The following CHCHD6 variants were observed in gnomAD, a reference collection of about 807,000 sequenced individuals.
CHCHD6 encodes the protein coiled-coil-helix-coiled-coil-helix domain containing 6.
A neutral mutation model predicts 32.3 loss-of-function variants in CHCHD6; 28 were observed. That is an observed-to-expected ratio of 0.87 (90% CI 0.64 to 1.19). The LOEUF (loss-of-function observed/expected upper bound fraction) is 1.19, where lower values mean the gene tolerates loss of function less well. Ranked by LOEUF, CHCHD6 falls within the 50% of genes most tolerant of loss-of-function variation. The pLI, the probability that CHCHD6 is intolerant of heterozygous loss-of-function variation, is 0.00. For missense variants in CHCHD6, 333 were observed against 307.0 expected, an observed-to-expected ratio of 1.08 and a Z score of -0.63; for synonymous variants, 122 against 117.5, an observed-to-expected ratio of 1.04 and a Z score of -0.25.
At chr3:126,752,731 C>G (rs1341784768) in intron 4 of CHCHD6, among the ~76,000 whole-genome samples, 1 of 152,236 alleles carries the variant, frequency 6.6e-6, no homozygotes, top group Non-Finnish European at 1.5e-5. Flanking sequence ...CTCCCTGCCC[C>G]TTTAGCGCGG....
chr3:126,830,073 G>A (rs1019173456), intron 4 of CHCHD6, among the ~76,000 whole-genome samples: 5 of 152,106 alleles, frequency 3.3e-5, no homozygotes, highest in African/African-American at 1.2e-4. Flanking sequence ...ACTCCAGCTT[G>A]GGCCACAGAG....
At chr3:126,873,863 A>G (rs976621633) in intron 5 of CHCHD6, among the ~76,000 whole-genome samples, 1 of 152,226 alleles carries the variant, frequency 6.6e-6, no homozygotes, top group African/African-American at 2.4e-5. Context: ...CTCAGAGAGT[A>G]TGTAGCTTGC....
intron 4 of CHCHD6, among the ~76,000 whole-genome samples, chr3:126,837,383 G>T (rs1940903012): frequency 6.6e-6 from 1 of 152,080 alleles, no homozygotes; most frequent in Non-Finnish European, 1.5e-5. Flanking sequence ...AGGCAACATA[G>T]TGAGACCCCA....
At chr3:126,708,915 G>A (rs1395708013) in intron 1 of CHCHD6, among the ~76,000 whole-genome samples, 1 of 152,030 alleles carries the variant, frequency 6.6e-6, no homozygotes, top group African/African-American at 2.4e-5. Context: ...TCCCCTCTTG[G>A]TCTTTCAATG....
At chr3:126,916,140 C>T (rs2078166630) in intron 6 of CHCHD6, among the ~76,000 whole-genome samples, 1 of 152,090 alleles carries the variant, frequency 6.6e-6, no homozygotes, top group African/African-American at 2.4e-5. Context: ...GTGGCTCACA[C>T]CTGTAATCCC....
At chr3:126,801,758 C>T (rs1464256201) in intron 4 of CHCHD6, among the ~76,000 whole-genome samples, 1 of 152,212 alleles carries the variant, frequency 6.6e-6, no homozygotes, top group East Asian at 1.9e-4. Flanking sequence ...CAGACTGCCT[C>T]CTCAAGTGGG....
intron 1 of CHCHD6, among the ~76,000 whole-genome samples, chr3:126,722,983 T>C (rs1935376880): frequency 6.6e-6 from 1 of 152,182 alleles, no homozygotes; most frequent in Admixed American, 6.5e-5. Flanking sequence ...TTCTTGTATA[T>C]GGTGTAAGGT....
At chr3:126,907,052 C>T (rs2078018274) in intron 5 of CHCHD6, among the ~76,000 whole-genome samples, 1 of 152,120 alleles carries the variant, frequency 6.6e-6, no homozygotes, top group Admixed American at 6.5e-5. Context: ...GCTGTTGTCT[C>T]TCAGGTGGAA....
chr3:126,736,382 C>G (rs1280779935), intron 4 of CHCHD6, among the ~76,000 whole-genome samples: 2 of 152,178 alleles, frequency 1.3e-5, no homozygotes, highest in Non-Finnish European at 2.9e-5. Flanking sequence ...AATGAGTTGT[C>G]TGCCCACTCC....
intron 2 of CHCHD6, among the ~76,000 whole-genome samples, chr3:126,727,748 A>G (rs990655641): frequency 6.6e-6 from 1 of 152,204 alleles, no homozygotes; most frequent in Non-Finnish European, 1.5e-5. Context: ...GCCGGGCTCA[A>G]AGCTGATTTG....
chr3:126,835,635 T>G lies in CHCHD6; in HGVS notation c.412-17012T>G, dbSNP rs564185324. ...TGTTGCTGGTCATGTTTGAGCAACT[T>G]CTCTGAACTCTTACTGTTTGGAGCT... On this transcript the variant is annotated intron_variant, in intron 4 of 7. Transcript: ENST00000290913. Among the ~76,000 whole-genome samples, 11 of 152,330 alleles carry G rather than the reference T, an allele frequency of 7.2e-5. No individual in the cohort carries two copies. In the South Asian group the frequency reaches 1.0e-3, roughly 14 times the overall value.
intron 4 of CHCHD6, among the ~76,000 whole-genome samples, chr3:126,783,397 G>A (rs1397509235): frequency 6.6e-6 from 1 of 152,194 alleles, no homozygotes; most frequent in Non-Finnish European, 1.5e-5. Flanking sequence ...TCAGAAACAA[G>A]GGTGCCCACT....
At chr3:126,814,444 G>C (rs1939789625) in intron 4 of CHCHD6, among the ~76,000 whole-genome samples, 1 of 152,184 alleles carries the variant, frequency 6.6e-6, no homozygotes, top group African/African-American at 2.4e-5. Context: ...CATGGGACTG[G>C]TCACCAGAAA....
At chr3:126,778,621 TG>T (rs1200040719) in intron 4 of CHCHD6, among the ~76,000 whole-genome samples, 1 of 152,250 alleles carries the variant, frequency 6.6e-6, no homozygotes, top group Non-Finnish European at 1.5e-5. Context: ...TTTGTCTTTT[TG>T]CTGTTGAGCT....
At chr3:126,935,767 C>G (rs1213045840) in intron 6 of CHCHD6, among the ~76,000 whole-genome samples, 2 of 152,148 alleles carry the variant, frequency 1.3e-5, no homozygotes, top group East Asian at 3.9e-4. Flanking sequence ...TCAAAAGTAG[C>G]AGAAATGCAT....
chr3:126,707,147 C>A (rs936440785), intron 1 of CHCHD6, among the ~76,000 whole-genome samples: 1 of 151,768 alleles, frequency 6.6e-6, no homozygotes, highest in African/African-American at 2.4e-5. Context: ...CACACCTGTA[C>A]ACCCAGCTAC....
At chr3:126,760,872 C>CT (rs974820871) in intron 4 of CHCHD6, among the ~76,000 whole-genome samples, 4 of 152,190 alleles carry the variant, frequency 2.6e-5, no homozygotes, top group African/African-American at 7.2e-5. Flanking sequence ...CTTGCCCTGT[C>CT]ACCCAGGCTG....
rs548529161 is a variant in CHCHD6 at position 126,833,106 on chromosome 3, A to T, written c.412-19541A>T. ...TGCATGTGTGCATGCATGTGCCCAC[A>T]TGCCACTTGCATGCACATGCACACA... On this transcript the variant is annotated intron_variant, in intron 4 of 7. Transcript: ENST00000290913. Among the ~76,000 whole-genome samples the T allele has an allele frequency of 2.6e-5, 4 of 152,336 alleles. No homozygotes were observed. In the East Asian group the frequency reaches 7.7e-4, roughly 29 times the overall value.
In CHCHD6 at chr3:126,956,040, G is replaced by A. The variant is rs536595129; in HGVS notation, c.567-1376G>A. The stretch of plus-strand genomic sequence containing the variant: ...TATGGGGTCCTGTTCCCAAGCTGTC[G>A]AGCATCCTGGTGCTGGTGGTTTCTA... On this transcript the variant is annotated intron_variant, in intron 6 of 7. Transcript: ENST00000290913. Among the ~76,000 whole-genome samples the A allele has an allele frequency of 2.6e-5, 4 of 152,294 alleles. No individual in the cohort carries two copies. In the East Asian group the frequency reaches 5.8e-4, roughly 22 times the overall value.
Sources: allele counts gnomAD v4.1 joint callset (sites outside exome capture counted in the v4.1 genomes callset), GRCh38; gene constraint gnomAD v4.1.1; transcripts MANE v1.5; gene names NCBI Gene and HGNC (gene_info 2026-07-23, HGNC 2026-07-21).